Variants in PTPRS observed in about 807,000 individuals in gnomAD.
PTPRS encodes receptor-type tyrosine-protein phosphatase S.
In PTPRS, 63 loss-of-function variants were observed where a neutral mutation model predicts 215.3. The observed-to-expected ratio is 0.29, with a 90% CI of 0.24 to 0.36. The LOEUF is 0.36. PTPRS is among the 10% of genes least tolerant of loss of function. The pLI is 1.00. For synonymous variants in PTPRS, 1,404 were observed against 1,191.4 expected, an observed-to-expected ratio of 1.18 and a Z score of -3.68; for missense variants, 2,258 against 2,825.8, an observed-to-expected ratio of 0.80 and a Z score of 4.56.
At chr19:5,230,804 C>T (rs2042948834) in intron 14 of PTPRS, among the ~76,000 whole-genome samples, 1 of 152,174 alleles carries the variant, frequency 6.6e-6, no homozygotes, top group African/African-American at 2.4e-5. Context: ...TCATTTCTCT[C>T]CATGATCTAG....
At chr19:5,270,765 G>A (rs765183313) in intron 4 of PTPRS, among the ~76,000 whole-genome samples, 6 of 152,112 alleles carry the variant, frequency 3.9e-5, no homozygotes, top group Non-Finnish European at 7.3e-5. Context: ...AGCCTCCCAA[G>A]AATCCGGGAG....
In PTPRS at chr19:5,220,317, A is replaced by T; in HGVS notation, c.3492T>A (p.Ser1164=). ...YFIVMVPLRK[S]RGGQFLTPLG... is the part of the protein sequence containing the mutation. ...GCGGGGTCAGGAATTGGCCTCCACG[A>T]GACTTGCGCAGTGGCACCATCACAA... Residue 1164 remains serine, a synonymous_variant, in exon 21 of 38, where the codon TCT becomes TCA. Transcript: ENST00000262963. 1 of 1,614,026 alleles carries T rather than the reference A, an allele frequency of 6.2e-7. No homozygotes were observed. Among genetic ancestry groups the T allele is most frequent in the Non-Finnish European group, 8.5e-7 (1 of 1,180,002 alleles).
intron 14 of PTPRS, among the ~76,000 whole-genome samples, chr19:5,230,695 A>T (rs932823971): frequency 6.6e-6 from 1 of 152,230 alleles, no homozygotes; most frequent in Non-Finnish European, 1.5e-5. Context: ...TCCGAGACTC[A>T]TATGATCCTC....
chr19:5,313,060 G>A (rs745840888), intron 1 of PTPRS, among the ~76,000 whole-genome samples: 20 of 152,158 alleles, frequency 1.3e-4, no homozygotes, highest in African/African-American at 2.2e-4. Context: ...AATAACAGGC[G>A]CACGCCACCA....
At chr19:5,327,835 A>C (rs148777600) in intron 1 of PTPRS, among the ~76,000 whole-genome samples, 3 of 152,182 alleles carry the variant, frequency 2.0e-5, no homozygotes, top group Non-Finnish European at 2.9e-5. Flanking sequence ...TCCTAGCCTC[A>C]AGCAATCCTC....
chr19:5,254,636 T>C (rs2045415355), intron 9 of PTPRS, among the ~76,000 whole-genome samples: 1 of 152,084 alleles, frequency 6.6e-6, no homozygotes, highest in African/African-American at 2.4e-5. Context: ...CCCTGGGCTT[T>C]TTCCAGAATT....
At chr19:5,322,392 C>T (rs1233883492) in intron 1 of PTPRS, among the ~76,000 whole-genome samples, 2 of 152,142 alleles carry the variant, frequency 1.3e-5, no homozygotes, top group South Asian at 2.1e-4. Flanking sequence ...GCAGAGGCCC[C>T]GGAACTCGAG....
At chr19:5,316,347 C>T (rs1238371128) in intron 1 of PTPRS, among the ~76,000 whole-genome samples, 1 of 152,218 alleles carries the variant, frequency 6.6e-6, no homozygotes, top group Non-Finnish European at 1.5e-5. Context: ...GTCCAGCTCT[C>T]CTGAATGCCT....
intron 1 of PTPRS, among the ~76,000 whole-genome samples, chr19:5,337,118 T>TCCGA (rs1441078400): frequency 6.6e-6 from 1 of 152,182 alleles, no homozygotes; most frequent in Non-Finnish European, 1.5e-5. Flanking sequence ...TTCCCGTGGC[T>TCCGA]CCGACCGACT....
At chr19:5,261,172 C>T (rs1297940459) in intron 6 of PTPRS, among the ~76,000 whole-genome samples, 2 of 152,124 alleles carry the variant, frequency 1.3e-5, no homozygotes, top group African/African-American at 4.8e-5. Context: ...GTGGCCTTCC[C>T]TCTGGGCTGA....
intron 16 of PTPRS, among the ~76,000 whole-genome samples, chr19:5,228,907 G>C (rs2042755005): frequency 1.3e-5 from 2 of 152,240 alleles, no homozygotes; most frequent in African/African-American, 2.4e-5. Flanking sequence ...TTCTAGGCCA[G>C]ACAGGGCTGA....
intron 22 of PTPRS, 146 bp downstream of exon 22, chr19:5,219,793 C>T (rs2041814914): frequency 6.2e-6 from 6 of 962,588 alleles, no homozygotes; most frequent in Non-Finnish European, 6.2e-6. Flanking sequence ...GTTTCAGGAT[C>T]CCTCCGCTCC....
chr19:5,291,113 A>G (rs1012313255), intron 1 of PTPRS, among the ~76,000 whole-genome samples: 2 of 151,642 alleles, frequency 1.3e-5, no homozygotes, highest in African/African-American at 4.8e-5. Flanking sequence ...TTAATTGACT[A>G]TTGATTTGTA....
At position 5,237,236 on chromosome 19, in the gene PTPRS, G is replaced by A. The variant is rs944094660; in HGVS notation, c.1849+1683C>T. 6.6e-6 allele frequency among the ~76,000 whole-genome samples: 1 copy of A among 152,222 alleles called. No homozygotes were observed. The highest frequency in any genetic ancestry group is 2.1e-4 in the South Asian group (1 of 4,828). ...TGGCACGGTGTCTGGGGAGACCCAC[G>A]GCTGAGTGGTCTGACCTGCACCTAC... On this transcript the variant is annotated intron_variant, in intron 13 of 37. Transcript: ENST00000262963. This position sits in a 1 kb window ranked among gnomAD's most constrained non-coding sequence, Gnocchi z 4.2.
chr19:5,245,572 C>T (rs985942222), intron 10 of PTPRS, among the ~76,000 whole-genome samples: 2 of 152,206 alleles, frequency 1.3e-5, no homozygotes, highest in African/African-American at 2.4e-5. Flanking sequence ...GGATTACAGG[C>T]GTGAATCACT....
intron 2 of PTPRS, among the ~76,000 whole-genome samples, chr19:5,275,163 C>T (rs549006722): frequency 4.6e-5 from 7 of 150,570 alleles, no homozygotes; most frequent in Admixed American, 3.3e-4. Context: ...TTCTGCCTCT[C>T]AGGTTCAAGC....
intron 2 of PTPRS, 133 bp from the exon 3 acceptor site, chr19:5,274,477 G>A (rs2047187002): frequency 8.9e-7 from 1 of 1,119,692 alleles, no homozygotes; most frequent in Non-Finnish European, 1.2e-6. Flanking sequence ...GAGAGGAGGA[G>A]GAAAGCAAGG....
intron 12 of PTPRS, 104 bp from the exon 13 acceptor site, chr19:5,239,167 GA>G: frequency 7.2e-6 from 4 of 555,022 alleles, no homozygotes; most frequent in East Asian, 3.7e-5. Context: ...GGGAGGGGGA[GA>G]GAGAGAGAGA....
At chr19:5,312,026 A>C (rs1013751067) in intron 1 of PTPRS, among the ~76,000 whole-genome samples, 1 of 151,718 alleles carries the variant, frequency 6.6e-6, no homozygotes, top group African/African-American at 2.4e-5. Flanking sequence ...TGGGAGACAC[A>C]GCGAGACTCC....
Sources: gnomAD v4.1 joint callset for allele counts (sites outside exome capture counted in the v4.1 genomes callset) on GRCh38, gnomAD v4.1.1 for gene constraint, Gnocchi (gnomAD v3.1) non-coding constraint, MANE v1.5 for transcripts, NCBI Gene and HGNC (gene_info 2026-07-23, HGNC 2026-07-21) for gene names.